TSPAN5: variants seen among roughly 807,000 people sequenced by gnomAD.
TSPAN5 encodes tetraspanin 5, also known as tetraspanin-5.
A neutral mutation model predicts 37.1 loss-of-function variants in TSPAN5; 10 were observed. That is an observed-to-expected ratio of 0.27 (90% CI 0.17 to 0.46). The LOEUF (loss-of-function observed/expected upper bound fraction) is 0.46. TSPAN5 is among the 20% of genes least tolerant of loss of function. TSPAN5 has a pLI of 1.00. For synonymous variants in TSPAN5, 110 were observed against 118.9 expected (o/e 0.93, Z 0.48); for missense variants, 195 against 326.6 (o/e 0.60, Z 3.11).
intron 1 of TSPAN5, among the ~76,000 whole-genome samples, chr4:98,604,010 A>C (rs543959168): frequency 6.6e-6 from 1 of 152,240 alleles, no homozygotes; most frequent in East Asian, 1.9e-4. Flanking sequence ...GCTCTATTGG[A>C]CTGCCATTTC....
At chr4:98,493,719 T>C (rs1021679388) in intron 2 of TSPAN5, among the ~76,000 whole-genome samples, 9 of 152,222 alleles carry the variant, frequency 5.9e-5, no homozygotes, top group Non-Finnish European at 1.2e-4. Context: ...GACTATATGC[T>C]ATGTCAATAT....
intron 3 of TSPAN5, 139 bp from the exon 4 acceptor site, chr4:98,482,314 G>T: frequency 1.4e-6 from 1 of 697,274 alleles, no homozygotes; most frequent in Non-Finnish European, 2.3e-6. Flanking sequence ...TTCAGTTTCT[G>T]CTGATTCATT....
intron 1 of TSPAN5, among the ~76,000 whole-genome samples, chr4:98,626,890 T>TA (rs1756613584): frequency 6.7e-6 from 1 of 149,118 alleles, no homozygotes; most frequent in Admixed American, 6.7e-5. Context: ...GAGCAGGTTT[T>TA]TTTTTTTTTT....
intron 1 of TSPAN5, among the ~76,000 whole-genome samples, chr4:98,606,064 G>T (rs1011304783): frequency 6.6e-6 from 1 of 152,224 alleles, no homozygotes; most frequent in Non-Finnish European, 1.5e-5. Context: ...AGCAGTAACA[G>T]CTGCTCTGGG....
In TSPAN5 at chr4:98,594,205, T is replaced by C. The variant is rs1755712887; in HGVS notation, c.81+63941A>G. The stretch of plus-strand genomic sequence containing the variant: ...TATTTTATTCTCTTTGAAGTAATTG[T>C]GAATGGGAGTTCACCTATGATTTGG... On this transcript the variant is annotated intron_variant, in intron 1 of 7. Transcript: ENST00000305798. 1.5e-5 allele frequency among the ~76,000 whole-genome samples: 2 copies of C among 133,324 alleles called. 1 individual carries two copies. Among genetic ancestry groups the C allele is most frequent in the Non-Finnish European group, 3.1e-5 (2 of 64,752 alleles). The allele number at this position is 133,324 out of a possible 152,430, so 87.5% of individuals were successfully genotyped here.
chr4:98,619,257 T>C (rs1756423894), intron 1 of TSPAN5, among the ~76,000 whole-genome samples: 1 of 152,224 alleles, frequency 6.6e-6, no homozygotes, highest in African/African-American at 2.4e-5. Flanking sequence ...TCTGTTGCTG[T>C]TATTTTATTG....
intron 2 of TSPAN5, among the ~76,000 whole-genome samples, chr4:98,494,454 G>A (rs566986854): frequency 5.6e-5 from 8 of 143,318 alleles, no homozygotes; most frequent in South Asian, 2.3e-4. Context: ...GCCTAAGATC[G>A]CACTTACTAC....
intron 2 of TSPAN5, among the ~76,000 whole-genome samples, chr4:98,501,728 C>T (rs1321445488): frequency 6.6e-6 from 1 of 152,122 alleles, no homozygotes; most frequent in African/African-American, 2.4e-5. Flanking sequence ...AGTGAGGAAG[C>T]ACACAGTATG....
At chr4:98,521,144 C>T (rs956732312) in intron 1 of TSPAN5, among the ~76,000 whole-genome samples, 8 of 152,156 alleles carry the variant, frequency 5.3e-5, no homozygotes, top group African/African-American at 1.9e-4. Flanking sequence ...GTTGGTCAGG[C>T]GGGTCTTGAA....
chr4:98,562,438 G>A (rs572228477), intron 1 of TSPAN5, among the ~76,000 whole-genome samples: 44 of 152,230 alleles, frequency 2.9e-4, no homozygotes, highest in South Asian at 2.7e-3. Context: ...CAAGGCAGGC[G>A]GATCACAAGG....
At chr4:98,607,587 T>G (rs1454359318) in intron 1 of TSPAN5, among the ~76,000 whole-genome samples, 2 of 152,216 alleles carry the variant, frequency 1.3e-5, no homozygotes, top group African/African-American at 4.8e-5. Context: ...TGTGATTTAT[T>G]TGTATTTTAT....
intron 1 of TSPAN5, among the ~76,000 whole-genome samples, chr4:98,577,041 G>A (rs1046071524): frequency 3.3e-5 from 5 of 152,152 alleles, no homozygotes; most frequent in African/African-American, 1.2e-4. Context: ...GATTGCAGGT[G>A]TGAGCCACTG....
Position 98,658,296 on chromosome 4 carries a change from C to G in TSPAN5, c.-70G>C. 7.5e-7 allele frequency: 1 copy of G among 1,333,102 alleles called. No homozygotes were observed. The highest frequency in any genetic ancestry group is 1.2e-5 in the South Asian group (1 of 85,300). 82.6% of individuals were successfully genotyped at this position (1,333,102 alleles called of 1,614,324 possible). ...AGCTCCGAAGCACCGTTGCTCGGAG[C>G]AGCCCGGCGGGGAGCAGGAGCTCAG... is the stretch of plus-strand genomic sequence containing the variant. On this transcript the variant is annotated 5_prime_UTR_variant, in exon 1 of 8. Transcript: ENST00000305798.
chr4:98,482,319 T>C (rs991672545), intron 3 of TSPAN5, 144 bp from the exon 4 acceptor site: 1 of 677,692 alleles, frequency 1.5e-6, no homozygotes, highest in African/African-American at 1.8e-5. Context: ...TTTCTGCTGA[T>C]TCATTAATAG....
At chr4:98,560,854 G>A (rs1250736717) in intron 1 of TSPAN5, among the ~76,000 whole-genome samples, 1 of 152,244 alleles carries the variant, frequency 6.6e-6, no homozygotes, top group East Asian at 1.9e-4. Context: ...AGTTTCAGAT[G>A]AGCTGAGATT....
At chr4:98,611,109 C>T (rs1437263747) in intron 1 of TSPAN5, among the ~76,000 whole-genome samples, 1 of 152,200 alleles carries the variant, frequency 6.6e-6, no homozygotes, top group East Asian at 1.9e-4. Context: ...CAGAGGAACT[C>T]CTCCAACCCT....
chr4:98,578,870 T>C (rs148823677), intron 1 of TSPAN5, among the ~76,000 whole-genome samples: 1 of 152,244 alleles, frequency 6.6e-6, no homozygotes, highest in African/African-American at 2.4e-5. Context: ...TCCTCTAAGT[T>C]ACATATGACA....
At chr4:98,647,804 T>C (rs187139022) in intron 1 of TSPAN5, among the ~76,000 whole-genome samples, 59 of 152,124 alleles carry the variant, frequency 3.9e-4, no homozygotes, top group African/African-American at 1.3e-3. Context: ...GTGCTAACCA[T>C]TGGGTTTGCA....
At chr4:98,472,671 T>C in intron 7 of TSPAN5, 84 bp from the exon 8 acceptor site, 1 of 1,213,486 alleles carries the variant, frequency 8.2e-7, no homozygotes, top group Non-Finnish European at 1.2e-6. Flanking sequence ...TTTAAATCAT[T>C]GATTTTTGAA....
Sources: allele counts gnomAD v4.1 joint callset (sites outside exome capture counted in the v4.1 genomes callset), GRCh38; gene constraint gnomAD v4.1.1; transcripts MANE v1.5; gene names NCBI Gene and HGNC (gene_info 2026-07-23, HGNC 2026-07-21).